Variants in HDAC9 observed in about 807,000 individuals in gnomAD.
The protein encoded by HDAC9 is MEF-2 interacting transcription repressor (MITR) protein.
Under a neutral mutation model 139.4 loss-of-function variants are expected in HDAC9, and 41 were observed. The observed-to-expected ratio is 0.29, with a 90% CI of 0.23 to 0.38. HDAC9 has a LOEUF of 0.38. Among genes scored for constraint, HDAC9 ranks in the 10% least tolerant of loss-of-function variants. The pLI is 1.00. For missense variants in HDAC9, 1,147 were observed against 1,297.0 expected (o/e 0.88, Z 1.78); for synonymous variants, 517 against 476.2 (o/e 1.09, Z -1.12).
intron 12 of HDAC9, among the ~76,000 whole-genome samples, chr7:18,691,799 G>A (rs1407676653): frequency 1.3e-5 from 2 of 151,964 alleles, no homozygotes; most frequent in East Asian, 1.9e-4. Context: ...GACTGCAGTG[G>A]TCAAAGAGGA....
intron 2 of HDAC9, among the ~76,000 whole-genome samples, chr7:18,510,467 T>G (rs183984323): frequency 1.3e-5 from 2 of 152,114 alleles, no homozygotes; most frequent in Admixed American, 6.5e-5. Context: ...ATACTATTTT[T>G]CCCTTCTCCT....
intron 2 of HDAC9, among the ~76,000 whole-genome samples, chr7:18,211,818 T>G (rs1791956541): frequency 6.6e-6 from 1 of 152,012 alleles, no homozygotes; most frequent in African/African-American, 2.4e-5. Flanking sequence ...GAGAAAAGCC[T>G]CCTGTGAGGA....
chr7:18,124,489 T>C (rs1784537466), intron 1 of HDAC9, among the ~76,000 whole-genome samples: 1 of 152,212 alleles, frequency 6.6e-6, no homozygotes, highest in South Asian at 2.1e-4. Context: ...ATTTTATGCA[T>C]GGAGGTTACA....
intron 21 of HDAC9, among the ~76,000 whole-genome samples, chr7:18,855,940 T>A (rs182177525): frequency 3.5e-4 from 54 of 152,252 alleles, no homozygotes; most frequent in Admixed American, 3.1e-3. Context: ...TTGTAAGCAT[T>A]ACAGCCTTTT....
chr7:18,857,383 T>A (rs77354398), intron 21 of HDAC9, among the ~76,000 whole-genome samples: 11,720 of 133,288 alleles, frequency 0.088, 502 homozygotes, highest in South Asian at 0.16. Context: ...ATGTACTAGT[T>A]CCTGGAGTGA....
At chr7:18,976,076 C>A in intron 25 of HDAC9, 123 bp downstream of exon 25, 1 of 934,874 alleles carries the variant, frequency 1.1e-6, no homozygotes, top group Non-Finnish European at 1.6e-6. Flanking sequence ...CTGTCCTCTC[C>A]AAAGCCACAG....
intron 2 of HDAC9, among the ~76,000 whole-genome samples, chr7:18,244,940 C>G (rs1387184057): frequency 6.6e-6 from 1 of 150,956 alleles, no homozygotes; most frequent in East Asian, 1.9e-4. Flanking sequence ...ATATCTATAT[C>G]TGTATCTGTA....
intron 1 of HDAC9, among the ~76,000 whole-genome samples, chr7:18,348,547 T>C (rs1043030779): frequency 2.6e-5 from 4 of 152,174 alleles, no homozygotes; most frequent in South Asian, 2.1e-4. Context: ...ATAATTTAAT[T>C]ATTTCTATTA....
At chr7:18,327,564 A>G (rs1428114873) in intron 1 of HDAC9, 1 of 151,864 alleles carries the variant, frequency 6.6e-6, no homozygotes, top group Non-Finnish European at 1.5e-5. Flanking sequence ...TTGGGATGCA[A>G]ATTTTTGTGC....
intron 24 of HDAC9, among the ~76,000 whole-genome samples, chr7:18,968,978 A>AAAAAAAAAAAAAAAAAC (rs1784075024): frequency 6.7e-6 from 1 of 150,248 alleles, no homozygotes; most frequent in Non-Finnish European, 1.5e-5. Flanking sequence ...AAAAAAAAAA[A>AAAAAAAAAAAAAAAAAC]AAAAGAATCA....
chr7:18,483,101 C>T (rs1158824524), intron 1 of HDAC9, among the ~76,000 whole-genome samples: 2 of 152,080 alleles, frequency 1.3e-5, no homozygotes, highest in East Asian at 1.9e-4. Context: ...GCTTTATATA[C>T]TACAAAGAAA....
chr7:18,900,273 A>C (rs1310964983), intron 22 of HDAC9, among the ~76,000 whole-genome samples: 1 of 152,170 alleles, frequency 6.6e-6, no homozygotes, highest in Non-Finnish European at 1.5e-5. Flanking sequence ...AATAAATTTA[A>C]AATATGTCTC....
At chr7:18,685,788 A>G (rs756196852) in intron 12 of HDAC9, among the ~76,000 whole-genome samples, 12 of 152,130 alleles carry the variant, frequency 7.9e-5, no homozygotes, top group Non-Finnish European at 1.5e-4. Flanking sequence ...AAAATAACCT[A>G]ACTAAATTAG....
At chr7:18,961,483 C>T (rs1361066774) in intron 24 of HDAC9, among the ~76,000 whole-genome samples, 1 of 152,078 alleles carries the variant, frequency 6.6e-6, no homozygotes, top group Non-Finnish European at 1.5e-5. Context: ...GTGAAAAATA[C>T]TAGACTTAAG....
At chr7:18,416,027 C>T (rs1789024772) in intron 1 of HDAC9, among the ~76,000 whole-genome samples, 1 of 152,130 alleles carries the variant, frequency 6.6e-6, no homozygotes, top group South Asian at 2.1e-4. Context: ...GGCTCAGTGA[C>T]TCACGCCTGT....
chr7:18,349,311 C>T (rs1442574286), intron 1 of HDAC9, among the ~76,000 whole-genome samples: 1 of 21,486 alleles, frequency 4.7e-5, no homozygotes, highest in African/African-American at 1.1e-4. Context: ...AACATCTACA[C>T]ACACACACAC....
intron 1 of HDAC9, among the ~76,000 whole-genome samples, chr7:18,337,549 T>G (rs1781672683): frequency 6.6e-6 from 1 of 151,790 alleles, no homozygotes; most frequent in African/African-American, 2.4e-5. Flanking sequence ...TATAATAATG[T>G]GCATTTTTAG....
chr7:18,094,147 C>G (rs1365864574), intron 1 of HDAC9, among the ~76,000 whole-genome samples: 1 of 152,120 alleles, frequency 6.6e-6, no homozygotes, highest in Admixed American at 6.6e-5. Context: ...TGTGGCCAGG[C>G]AAAGGGAGTT....
chr7:18,539,575 A>T (rs1812052832), intron 2 of HDAC9, among the ~76,000 whole-genome samples: 1 of 152,230 alleles, frequency 6.6e-6, no homozygotes, highest in African/African-American at 2.4e-5. Flanking sequence ...GTTATCTAAG[A>T]TGGTAACATG....
Sources: allele counts gnomAD v4.1 joint callset (sites outside exome capture counted in the v4.1 genomes callset), GRCh38; gene constraint gnomAD v4.1.1; transcripts MANE v1.5; gene names NCBI Gene and HGNC (gene_info 2026-07-23, HGNC 2026-07-21).